Variants in TRAPPC12 observed in about 807,000 individuals in gnomAD.
TRAPPC12 encodes TPR repeat protein 15.
In TRAPPC12, 61 loss-of-function variants were observed where a neutral mutation model predicts 69.2. That is an observed-to-expected ratio of 0.88 (90% confidence interval 0.72 to 1.09). TRAPPC12 has a LOEUF of 1.09. Ranked by LOEUF, TRAPPC12 falls within the 50% of genes least tolerant of loss-of-function variation. The probability of loss-of-function intolerance (pLI) is 0.00; values close to 1 mark genes in which losing one functional copy is unlikely to be tolerated. For missense variants in TRAPPC12, 1,101 were observed against 1,016.4 expected, an observed-to-expected ratio of 1.08 and a Z score of -1.13; for synonymous variants, 469 against 438.9, an observed-to-expected ratio of 1.07 and a Z score of -0.86.
At chr2:3,459,698 G>A (rs1237087120) in intron 7 of TRAPPC12, among the ~76,000 whole-genome samples, 3 of 152,224 alleles carry the variant, frequency 2.0e-5, no homozygotes, top group Admixed American at 6.5e-5. Context: ...GGGGAGTGCC[G>A]AGTCCCCAGC....
intron 5 of TRAPPC12, among the ~76,000 whole-genome samples, chr2:3,431,664 GAA>G (rs1230379543): frequency 1.3e-5 from 2 of 151,978 alleles, no homozygotes; most frequent in East Asian, 3.9e-4. Flanking sequence ...TTGCAGTCAT[GAA>G]AAGTGTTGAT....
rs953671091 is a variant in TRAPPC12, at chr2:3,403,003, G to A, written c.1164+1110G>A. Among the ~76,000 whole-genome samples the A allele has an allele frequency of 5.3e-5, 8 of 152,092 alleles. No individual in the cohort carries two copies. In the East Asian group the frequency reaches 5.8e-4, roughly 11 times the overall value. On this transcript the variant is annotated intron_variant, in intron 3 of 11. Coordinates refer to ENST00000324266, the MANE Select transcript of TRAPPC12 (RefSeq NM_016030.6). ...CTTGATTTTGGGAATAAGTCCCACCGGCTGTCTGAAACTCATGTTGAAATG... is the reference window on the plus strand; with the variant it reads ...CTTGATTTTGGGAATAAGTCCCACCAGCTGTCTGAAACTCATGTTGAAATG...
chr2:3,399,422 C>T (rs1661298929), intron 2 of TRAPPC12, among the ~76,000 whole-genome samples: 1 of 152,202 alleles, frequency 6.6e-6, no homozygotes. Flanking sequence ...GCTGCTAGAT[C>T]AGTTAGCTGA....
At chr2:3,399,811 C>T (rs1162275326) in intron 2 of TRAPPC12, among the ~76,000 whole-genome samples, 1 of 149,550 alleles carries the variant, frequency 6.7e-6, no homozygotes, top group African/African-American at 2.5e-5. Flanking sequence ...CCCCCGCTCC[C>T]CCCGCCACCG....
chr2:3,411,402 A>G (rs1431045064), intron 3 of TRAPPC12, among the ~76,000 whole-genome samples: 3 of 152,234 alleles, frequency 2.0e-5, no homozygotes, highest in Non-Finnish European at 4.4e-5. Context: ...TTTCATTCAC[A>G]AAACTCTTTT....
Position 3,414,591 on chromosome 2 carries a change from G to A in TRAPPC12, c.1165-7290G>A, listed in dbSNP as rs1018598283. ...TGCAGTGCCTTGAACGTGCTCTGCC[G>A]TGTGTCGGCCCGTTTCCTGAATCCT... On this transcript the variant is annotated intron_variant, in intron 3 of 11. Transcript: ENST00000324266. This position sits in a 1 kb window ranked among gnomAD's most constrained non-coding sequence, Gnocchi z 4.9. Among the ~76,000 whole-genome samples the A allele has an allele frequency of 7.7e-5, 11 of 142,196 alleles. No individual in the cohort carries two copies. The highest frequency in any genetic ancestry group is 4.7e-4 in the South Asian group (2 of 4,288). The allele number at this position is 142,196 out of a possible 152,430, so 93.3% of individuals were successfully genotyped here.
Position 3,458,256 on chromosome 2 carries a change from G to C in TRAPPC12, c.1603+563G>C, listed in dbSNP as rs1423156818. 3 of 987,108 alleles carry C rather than the reference G, an allele frequency of 3.0e-6. No homozygotes were observed. In the East Asian group the frequency reaches 3.4e-4, roughly 112 times the overall value. 61.1% of individuals were successfully genotyped at this position (987,108 alleles called of 1,614,324 possible). On this transcript the variant is annotated intron_variant, in intron 7 of 11. Coordinates refer to ENST00000324266, the MANE Select transcript of TRAPPC12 (RefSeq NM_016030.6). ...ATGCCAGCTGCAGCTCGGGGAGTGC[G>C]TTAGCCAGGAGCAAGCTTCCGATCA...
At chr2:3,460,380 C>CG in intron 8 of TRAPPC12, 44 bp downstream of exon 8, 1 of 852,208 alleles carries the variant, frequency 1.2e-6, no homozygotes, top group Non-Finnish European at 2.0e-6. Context: ...TCTGGAAGAG[C>CG]GGGGTCAGTG....
chr2:3,404,431 T>C (rs1171320191), intron 3 of TRAPPC12, among the ~76,000 whole-genome samples: 1 of 152,210 alleles, frequency 6.6e-6, no homozygotes, highest in East Asian at 1.9e-4. Flanking sequence ...CTTTGATCCC[T>C]GATCTTTTTC....
At chr2:3,466,913 G>A (rs1261148389) in intron 9 of TRAPPC12, among the ~76,000 whole-genome samples, 1 of 152,178 alleles carries the variant, frequency 6.6e-6, no homozygotes, top group African/African-American at 2.4e-5. Flanking sequence ...ATTATCCCCT[G>A]GTTATCATAG....
chr2:3,387,804 A>G lies in TRAPPC12; in HGVS notation c.181A>G (p.Lys61Glu), dbSNP rs754580692. The change falls in exon 2 of 12, where the codon AAG (lysine) becomes GAG (glutamate). Residue 61 changes from lysine to glutamate, a missense_variant. Physicochemically the swap from Lys to Glu is moderately conservative, Grantham distance 56. Coordinates refer to ENST00000324266, the MANE Select transcript of TRAPPC12 (RefSeq NM_016030.6). Reference protein sequence around the residue: ...ASEGSSPLADKLNEHMMESVL... With the variant: ...ASEGSSPLADELNEHMMESVL... ...GGAAGGCTCGAGTCCTCTCGCGGAC[A>G]AGCTGAACGAACACATGATGGAGAG... The G allele has an allele frequency of 3.7e-5, 60 of 1,613,526 alleles. No homozygotes were observed. Among genetic ancestry groups the G allele is most frequent in the Non-Finnish European group, 4.9e-5 (58 of 1,179,650 alleles).
chr2:3,406,274 G>T (rs1370112292), intron 3 of TRAPPC12, among the ~76,000 whole-genome samples: 1 of 150,176 alleles, frequency 6.7e-6, no homozygotes, highest in African/African-American at 2.5e-5. Flanking sequence ...AATAGAAGCA[G>T]GAAATTATCT....
At chr2:3,458,493 G>A in intron 7 of TRAPPC12, 1 of 978,362 alleles carries the variant, frequency 1.0e-6, no homozygotes, top group Non-Finnish European at 1.2e-6. Flanking sequence ...ACTGCTGGCT[G>A]GTGTGAGCTG....
At chr2:3,440,285 A>C (rs1664127325) in intron 5 of TRAPPC12, among the ~76,000 whole-genome samples, 1 of 152,196 alleles carries the variant, frequency 6.6e-6, no homozygotes, top group Non-Finnish European at 1.5e-5. Context: ...AGTTGTAAAG[A>C]ACTGATATTT....
At chr2:3,399,915 C>T (rs955658900) in intron 2 of TRAPPC12, among the ~76,000 whole-genome samples, 3 of 152,076 alleles carry the variant, frequency 2.0e-5, no homozygotes, top group Admixed American at 2.0e-4. Context: ...CTTCTCTGCA[C>T]CCTCAGTCAC....
At chr2:3,473,355 G>A (rs1666148472) in intron 9 of TRAPPC12, among the ~76,000 whole-genome samples, 1 of 152,208 alleles carries the variant, frequency 6.6e-6, no homozygotes, top group Non-Finnish European at 1.5e-5. Flanking sequence ...ATTAGCCTGG[G>A]GGGATTTGCC....
chr2:3,457,285 CA>C, intron 6 of TRAPPC12: 1 of 398,350 alleles, frequency 2.5e-6, no homozygotes, highest in Non-Finnish European at 4.9e-6. Flanking sequence ...CAGAGACTAC[CA>C]GTGGGGGGAG....
At chr2:3,389,422 C>A (rs1255348348) in intron 2 of TRAPPC12, among the ~76,000 whole-genome samples, 1 of 152,352 alleles carries the variant, frequency 6.6e-6, no homozygotes, top group East Asian at 1.9e-4. Flanking sequence ...AGGCTTCACA[C>A]GGGGCTTGTA....
Position 3,424,615 on chromosome 2 carries a change from C to A in TRAPPC12, c.1369C>A (p.Pro457Thr). The A allele has an allele frequency of 6.2e-7, 1 of 1,614,010 alleles. No homozygotes were observed. The highest frequency in any genetic ancestry group is 8.5e-7 in the Non-Finnish European group (1 of 1,179,958). The part of the protein sequence containing the change: ...EFEPFGNLDQ[P>T]DLYYEYYPHV... ...TGAACCCTTCGGAAATCTTGATCAGCCAGATCTTTATTACGAGTACTACCC... is the reference window on the plus strand; with the variant it reads ...TGAACCCTTCGGAAATCTTGATCAGACAGATCTTTATTACGAGTACTACCC... The change falls in exon 5 of 12, where the codon CCA becomes ACA. Residue 457 changes from proline (P) to threonine (T), a missense_variant. Coordinates refer to ENST00000324266, the MANE Select transcript of TRAPPC12 (RefSeq NM_016030.6).
Sources: allele counts gnomAD v4.1 joint callset (sites outside exome capture counted in the v4.1 genomes callset), GRCh38; gene constraint gnomAD v4.1.1; non-coding constraint Gnocchi (gnomAD v3.1); transcripts MANE v1.5; gene names NCBI Gene and HGNC (gene_info 2026-07-23, HGNC 2026-07-21).